EMCN: variants seen among roughly 807,000 people sequenced by gnomAD.
EMCN encodes the protein endomucin, also known as MUC-14.
Under a neutral mutation model 38.4 loss-of-function variants are expected in EMCN, and 37 were observed. The observed-to-expected ratio is 0.96, with a 90% CI of 0.74 to 1.27. The LOEUF (loss-of-function observed/expected upper bound fraction) is 1.27, where lower values mean the gene tolerates loss of function less well. Among genes scored for constraint, EMCN ranks in the 50% most tolerant of loss-of-function variants. EMCN has a pLI of 0.00. For missense variants in EMCN, 318 were observed against 302.8 expected (o/e 1.05, Z -0.37); for synonymous variants, 95 against 100.8 (o/e 0.94, Z 0.35).
At chr4:100,434,261 G>T (rs1727285755) in intron 5 of EMCN, among the ~76,000 whole-genome samples, 1 of 151,384 alleles carries the variant, frequency 6.6e-6, no homozygotes, top group African/African-American at 2.4e-5. Flanking sequence ...ACATAAGCTA[G>T]AAGAAATGTA....
intron 5 of EMCN, among the ~76,000 whole-genome samples, chr4:100,432,020 C>T (rs973547166): frequency 6.6e-6 from 1 of 152,154 alleles, no homozygotes; most frequent in Non-Finnish European, 1.5e-5. Flanking sequence ...GTTATTAGCT[C>T]TGCCTGTCTG....
chr4:100,502,812 T>C (rs912626316), intron 1 of EMCN, among the ~76,000 whole-genome samples: 1 of 152,178 alleles, frequency 6.6e-6, no homozygotes, highest in Non-Finnish European at 1.5e-5. Context: ...TGCAGAAGTG[T>C]TTTTTCTGCT....
chr4:100,402,620 T>C (rs567535457), intron 11 of EMCN, among the ~76,000 whole-genome samples: 5 of 152,162 alleles, frequency 3.3e-5, no homozygotes, highest in Admixed American at 6.6e-5. Context: ...CAGAACATCA[T>C]TATATAATTC....
Position 100,417,130 on chromosome 4 carries a change from T to A in EMCN, c.676A>T (p.Asn226Tyr), listed in dbSNP as rs1462225642. Reference protein sequence around the residue: ...CWKADPGTPENGNDQPQSDKE... With the variant: ...CWKADPGTPEYGNDQPQSDKE... ...GGGCTTACTTACTGATCATTTCCATTTTCTGGTGTGCCTAGGAGAAGAGGG... is the reference window on the plus strand; with the variant it reads ...GGGCTTACTTACTGATCATTTCCATATTCTGGTGTGCCTAGGAGAAGAGGG... Residue 226 changes from asparagine to tyrosine, a missense_variant, in exon 9 of 12, where the codon AAT becomes TAT. Coordinates refer to ENST00000296420, the MANE Select transcript of EMCN (RefSeq NM_016242.4). 6.2e-7 allele frequency: 1 copy of A among 1,613,796 alleles called. No individual in the cohort carries two copies. Among genetic ancestry groups the A allele is most frequent in the South Asian group, 1.1e-5 (1 of 91,060 alleles).
intron 5 of EMCN, among the ~76,000 whole-genome samples, chr4:100,443,825 A>G (rs1727590102): frequency 6.6e-6 from 1 of 152,204 alleles, no homozygotes; most frequent in African/African-American, 2.4e-5. Context: ...ACCCTGGTGG[A>G]CATGGGACAC....
chr4:100,494,011 T>C (rs1729149528), intron 1 of EMCN, among the ~76,000 whole-genome samples: 1 of 152,152 alleles, frequency 6.6e-6, no homozygotes, highest in Non-Finnish European at 1.5e-5. Flanking sequence ...CAGTTCTAAG[T>C]GCTGGGACAA....
chr4:100,475,099 G>T lies in EMCN; in HGVS notation c.198C>A (p.Thr66=). 1 of 1,505,996 alleles carries T rather than the reference G, an allele frequency of 6.6e-7. No homozygotes were observed. The highest frequency in any genetic ancestry group is 9.1e-7 in the Non-Finnish European group (1 of 1,104,820). The allele number at this position is 1,505,996 out of a possible 1,614,324, so 93.3% of individuals were successfully genotyped here. Residue 66 remains threonine, a synonymous_variant, in exon 3 of 12, where the codon ACC becomes ACA. Transcript: ENST00000296420. Reference sequence around the variant, plus strand: ...TCAGAGACATTTTAAGTAATTCATTGGTGATTGTTCCTAGTTTGATAAAAT... The same window carrying T: ...TCAGAGACATTTTAAGTAATTCATTTGTGATTGTTCCTAGTTTGATAAAAT... The part of the protein sequence containing the change: ...TTGTTPKGTI[T]NELLKMSLMS...
chr4:100,481,479 A>G (rs755833575), intron 1 of EMCN, among the ~76,000 whole-genome samples: 9 of 152,136 alleles, frequency 5.9e-5, no homozygotes, highest in Admixed American at 3.3e-4. Flanking sequence ...CAGAAATGAT[A>G]GAACTGCATT....
At chr4:100,452,873 T>A (rs1050468662) in intron 4 of EMCN, among the ~76,000 whole-genome samples, 14 of 151,766 alleles carry the variant, frequency 9.2e-5, no homozygotes, top group African/African-American at 3.4e-4. Flanking sequence ...AAATAATGCC[T>A]CATATCTACA....
At chr4:100,447,392 T>G (rs1259302221) in intron 5 of EMCN, 141 bp downstream of exon 5, 1 of 637,912 alleles carries the variant, frequency 1.6e-6, no homozygotes, top group Non-Finnish European at 2.7e-6. Flanking sequence ...AACTCAAGTT[T>G]TTCTAAACAT....
chr4:100,415,861 A>G (rs1726712027), intron 10 of EMCN, 37 bp downstream of exon 10: 2 of 1,404,880 alleles, frequency 1.4e-6, no homozygotes, highest in Non-Finnish European at 9.8e-7. Flanking sequence ...TTCTAAAATA[A>G]CTAATTTTCA....
At chr4:100,455,668 G>A (rs932970100) in intron 4 of EMCN, among the ~76,000 whole-genome samples, 1 of 151,182 alleles carries the variant, frequency 6.6e-6, no homozygotes, top group Non-Finnish European at 1.5e-5. Context: ...CTTTATCTCC[G>A]GTTTTCCATG....
chr4:100,405,215 T>C (rs569139853), intron 11 of EMCN, among the ~76,000 whole-genome samples: 1 of 152,250 alleles, frequency 6.6e-6, no homozygotes, highest in East Asian at 1.9e-4. Context: ...TTTCTTCTCT[T>C]GCCTGACTGC....
intron 1 of EMCN, among the ~76,000 whole-genome samples, chr4:100,490,129 G>A (rs937469727): frequency 1.3e-5 from 2 of 149,938 alleles, no homozygotes; most frequent in East Asian, 3.9e-4. Flanking sequence ...GTATGGCTAG[G>A]CTAATATGTG....
intron 3 of EMCN, among the ~76,000 whole-genome samples, chr4:100,473,599 A>G (rs78803977): frequency 0.19 from 29,357 of 151,478 alleles, 3,180 homozygotes; most frequent in Middle Eastern, 0.31. Context: ...AAGTTTTGCA[A>G]AGGAAAAGAG....
intron 5 of EMCN, among the ~76,000 whole-genome samples, chr4:100,438,955 T>G (rs1434297821): frequency 6.6e-6 from 1 of 152,068 alleles, no homozygotes; most frequent in Non-Finnish European, 1.5e-5. Flanking sequence ...CAATATATAA[T>G]TCTTTTGGTG....
chr4:100,436,242 G>A (rs1035167751), intron 5 of EMCN, among the ~76,000 whole-genome samples: 4 of 152,036 alleles, frequency 2.6e-5, no homozygotes, highest in African/African-American at 9.7e-5. Context: ...AGACATTCAT[G>A]CAGTCAACAA....
At chr4:100,422,735 C>T (rs951213617) in intron 7 of EMCN, among the ~76,000 whole-genome samples, 2 of 151,596 alleles carry the variant, frequency 1.3e-5, no homozygotes, top group African/African-American at 4.8e-5. Flanking sequence ...GGCCCTTGAT[C>T]GTAATTGTTA....
intron 5 of EMCN, among the ~76,000 whole-genome samples, chr4:100,442,707 A>T (rs562189035): frequency 6.6e-6 from 1 of 151,778 alleles, no homozygotes; most frequent in East Asian, 1.9e-4. Context: ...CAGCTTCAAG[A>T]TTTCTGTTTG....
Sources: gnomAD v4.1 joint callset for allele counts (sites outside exome capture counted in the v4.1 genomes callset) on GRCh38, gnomAD v4.1.1 for gene constraint, MANE v1.5 for transcripts, NCBI Gene and HGNC (gene_info 2026-07-23, HGNC 2026-07-21) for gene names.